The following CTNNA2 variants were observed in gnomAD, a reference collection of about 807,000 sequenced individuals.
The protein encoded by CTNNA2 is catenin alpha-2.
CTNNA2 carries 42 observed loss-of-function variants against 101.0 expected under a neutral mutation model. The ratio of observed to expected loss-of-function variants is 0.42; its 90% CI spans 0.32 to 0.54. The LOEUF is 0.54. CTNNA2 is among the 20% of genes least tolerant of loss of function. The pLI, the probability that CTNNA2 is intolerant of heterozygous loss-of-function variation, is 0.14. For missense variants in CTNNA2, 871 were observed against 1,223.1 expected, an observed-to-expected ratio of 0.71 and a Z score of 4.29; for synonymous variants, 450 against 456.4, an observed-to-expected ratio of 0.99 and a Z score of 0.18.
At position 80,109,232 on chromosome 2, in the gene CTNNA2, C is replaced by T. The variant is rs185188664; in HGVS notation, c.1056+199435C>T. Among the ~76,000 whole-genome samples the T allele has an allele frequency of 7.7e-4, 117 of 151,960 alleles. No homozygotes were observed. In the East Asian group the frequency reaches 0.021, roughly 27 times the overall value. ...TCCCAGCACTTTGGGAGGCTGAGGCCGGTGGATCACGAGGTTGGGAGACTG... is the reference window on the plus strand; with the variant it reads ...TCCCAGCACTTTGGGAGGCTGAGGCTGGTGGATCACGAGGTTGGGAGACTG... On this transcript the variant is annotated intron_variant, in intron 7 of 18. Coordinates refer to ENST00000402739, the MANE Select transcript of CTNNA2 (RefSeq NM_001282597.3).
intron 7 of CTNNA2, among the ~76,000 whole-genome samples, chr2:80,331,781 CA>C (rs1237922778): frequency 6.6e-6 from 1 of 152,104 alleles, no homozygotes; most frequent in Non-Finnish European, 1.5e-5. Context: ...TTTTTCTTCC[CA>C]ATCCCCATTA....
At chr2:80,010,347 T>A (rs538768366) in intron 7 of CTNNA2, among the ~76,000 whole-genome samples, 1 of 152,066 alleles carries the variant, frequency 6.6e-6, no homozygotes, top group East Asian at 1.9e-4. Context: ...TGAGACAGGG[T>A]CTCACTCTGT....
chr2:80,368,781 AAAAAG>A lies in CTNNA2; in HGVS notation c.1057-24410_1057-24406del, dbSNP rs546355830. 1.7e-3 allele frequency among the ~76,000 whole-genome samples: 257 copies of A among 151,356 alleles called. No homozygotes were observed. In the Middle Eastern group the frequency reaches 0.021, roughly 12 times the overall value. ...TAGGTTTGCCATTTTTAGCAAAAAA[AAAAAG>A]AAAAGAAAAGAAAAGAAAATGAAAA... On this transcript the variant is annotated intron_variant, in intron 7 of 18. Transcript: ENST00000402739.
At chr2:80,028,019 A>C (rs1377844452) in intron 7 of CTNNA2, 1 of 151,756 alleles carries the variant, frequency 6.6e-6, no homozygotes, top group Non-Finnish European at 1.5e-5. Context: ...AAATAAAAGA[A>C]ATACAGATTT....
At chr2:80,344,883 G>T (rs1333950416) in intron 7 of CTNNA2, among the ~76,000 whole-genome samples, 1 of 151,990 alleles carries the variant, frequency 6.6e-6, no homozygotes, top group Non-Finnish European at 1.5e-5. Context: ...AAAGCCTTGG[G>T]GTCCCTTCAT....
intron 13 of CTNNA2, among the ~76,000 whole-genome samples, chr2:80,580,120 A>G (rs942371698): frequency 6.6e-6 from 1 of 152,212 alleles, no homozygotes; most frequent in African/African-American, 2.4e-5. Flanking sequence ...CTCATGCCTC[A>G]GTTTTCCTAC....
At chr2:79,369,494 G>C (rs1211174518) in intron 3 of CTNNA2, among the ~76,000 whole-genome samples, 4 of 152,094 alleles carry the variant, frequency 2.6e-5, no homozygotes, top group African/African-American at 7.2e-5. Context: ...CGGCACCCCT[G>C]TCTCCGGCCC....
At chr2:79,731,967 T>C (rs1214199120) in intron 2 of CTNNA2, among the ~76,000 whole-genome samples, 1 of 151,950 alleles carries the variant, frequency 6.6e-6, no homozygotes. Flanking sequence ...TAAAAGCTTG[T>C]AAAGTCCTCA....
intron 3 of CTNNA2, among the ~76,000 whole-genome samples, chr2:79,855,738 C>T (rs537880817): frequency 8.6e-5 from 13 of 151,922 alleles, no homozygotes; most frequent in South Asian, 2.1e-4. Context: ...TACCTGGGTT[C>T]GTGTGCAGAA....
chr2:80,193,449 A>G (rs536398616), intron 7 of CTNNA2, among the ~76,000 whole-genome samples: 8 of 152,318 alleles, frequency 5.3e-5, no homozygotes, highest in Admixed American at 1.3e-4. Context: ...TCAGGCATGT[A>G]TGCATTCTCA....
At position 80,065,489 on chromosome 2, in the gene CTNNA2, G is replaced by A. The variant is rs548118283; in HGVS notation, c.1056+155692G>A. Among the ~76,000 whole-genome samples, 4 of 152,050 alleles carry A rather than the reference G, an allele frequency of 2.6e-5. No homozygotes were observed. In the South Asian group the frequency reaches 8.3e-4, roughly 32 times the overall value. The stretch of plus-strand genomic sequence containing the variant: ...CTGCCTCAGCCTCCCTAGTAGCTGG[G>A]ATTACAGGTGCGTGCCACAACACCT... On this transcript the variant is annotated intron_variant, in intron 7 of 18. Coordinates refer to ENST00000402739, the MANE Select transcript of CTNNA2 (RefSeq NM_001282597.3).
At chr2:79,804,521 T>G (rs1040289898) in intron 3 of CTNNA2, among the ~76,000 whole-genome samples, 1 of 152,158 alleles carries the variant, frequency 6.6e-6, no homozygotes, top group Non-Finnish European at 1.5e-5. Context: ...TTCTTTTCTG[T>G]GATGCAAAAT....
At chr2:79,867,897 A>G (rs1337760863) in intron 4 of CTNNA2, among the ~76,000 whole-genome samples, 1 of 152,218 alleles carries the variant, frequency 6.6e-6, no homozygotes, top group Non-Finnish European at 1.5e-5. Flanking sequence ...ATTAGCTGCC[A>G]AGAACTGTCC....
chr2:79,525,937 C>G (rs2103900915), intron 1 of CTNNA2, among the ~76,000 whole-genome samples: 1 of 151,988 alleles, frequency 6.6e-6, no homozygotes, highest in South Asian at 2.1e-4. Context: ...ATTTGAAATG[C>G]TTCTGTCTAT....
chr2:80,164,126 G>A (rs1006631043), intron 7 of CTNNA2, among the ~76,000 whole-genome samples: 7 of 151,444 alleles, frequency 4.6e-5, no homozygotes, highest in Non-Finnish European at 1.0e-4. Context: ...GTTTTAATTG[G>A]CATATTTAGG....
At chr2:80,242,979 AGTC>A (rs1451022019) in intron 7 of CTNNA2, among the ~76,000 whole-genome samples, 5 of 152,208 alleles carry the variant, frequency 3.3e-5, no homozygotes, top group Admixed American at 6.5e-5. Flanking sequence ...GCAAAACAGA[AGTC>A]ATTTGAACAC....
At chr2:79,860,524 TCCACACAGCCGAGTAAGGGAAG>T (rs1192850631) in intron 4 of CTNNA2, among the ~76,000 whole-genome samples, 47 of 139,070 alleles carry the variant, frequency 3.4e-4, no homozygotes, top group African/African-American at 1.2e-3. Context: ...CAATCTCTTC[TCCACACAGCCGAGTAAGGGAAG>T]TTTTTTTTTT....
intron 7 of CTNNA2, among the ~76,000 whole-genome samples, chr2:79,927,194 T>C (rs13430826): frequency 0.11 from 16,422 of 152,202 alleles, 1,156 homozygotes; most frequent in East Asian, 0.26. Flanking sequence ...GATAGGATTC[T>C]AAATTAAGAA....
In CTNNA2 at chr2:80,120,062, T is replaced by C. The variant is rs116970823; in HGVS notation, c.1056+210265T>C. Among the ~76,000 whole-genome samples, 9 of 152,334 alleles carry C rather than the reference T, an allele frequency of 5.9e-5. No homozygotes were observed. In the East Asian group the frequency reaches 1.5e-3, roughly 26 times the overall value. ...TAATTACTAATAGGCTCTGCATTGC[T>C]GAGGAGGAACTTTTTAAATTTTCCT... On this transcript the variant is annotated intron_variant, in intron 7 of 18. Transcript: ENST00000402739.
Sources: allele counts gnomAD v4.1 joint callset (sites outside exome capture counted in the v4.1 genomes callset), GRCh38; gene constraint gnomAD v4.1.1; transcripts MANE v1.5; gene names NCBI Gene and HGNC (gene_info 2026-07-23, HGNC 2026-07-21).